Variants in CRIM1 observed in about 807,000 individuals in gnomAD.
The protein encoded by CRIM1 is cysteine-rich motor neuron 1 protein.
A neutral mutation model predicts 116.4 loss-of-function variants in CRIM1; 32 were observed. The observed-to-expected ratio is 0.27, with a 90% CI of 0.21 to 0.37. The LOEUF (loss-of-function observed/expected upper bound fraction) is 0.37, where lower values mean the gene tolerates loss of function less well. Ranked by LOEUF, CRIM1 falls within the 10% of genes least tolerant of loss-of-function variation. CRIM1 has a pLI of 1.00. For missense variants in CRIM1, 1,331 were observed against 1,354.8 expected (o/e 0.98, Z 0.28); for synonymous variants, 590 against 509.2 (o/e 1.16, Z -2.13).
chr2:36,472,748 T>A (rs766832347), intron 5 of CRIM1, among the ~76,000 whole-genome samples: 3 of 152,202 alleles, frequency 2.0e-5, no homozygotes, highest in African/African-American at 7.2e-5. Context: ...TTCATTTTGT[T>A]AGAGTACAGT....
chr2:36,547,231 T>C (rs918282897), intron 16 of CRIM1, 60 bp downstream of exon 16: 17 of 1,335,350 alleles, frequency 1.3e-5, no homozygotes, highest in Admixed American at 9.5e-5. Context: ...TACACTCATA[T>C]TGAAATTGCT....
rs760248337 is a variant in CRIM1, at chr2:36,499,263, T to C, written c.1417T>C (p.Ser473Pro). 22 of 1,613,432 alleles carry C rather than the reference T, an allele frequency of 1.4e-5. No homozygotes were observed. The highest frequency in any genetic ancestry group is 1.7e-5 in the Non-Finnish European group (20 of 1,179,488). ...TVDPPACGEL[S>P]NCTLTGKDCI... ...TGATCCACCTGCATGTGGGGAGTTATCAAACTGCACTCTGACAGGGAAGGA... is the reference window on the plus strand; with the variant it reads ...TGATCCACCTGCATGTGGGGAGTTACCAAACTGCACTCTGACAGGGAAGGA... Residue 473 changes from serine (S) to proline (P), a missense_variant, in exon 8 of 17, where the codon TCA (serine) becomes CCA (proline). By Grantham distance (74) the Ser-to-Pro change is moderately conservative (BLOSUM62 -1). Around this residue, in one of 3 missense-constraint regions of CRIM1, gnomAD observed 690 missense variants for 676.0 expected, o/e 1.02. Coordinates refer to ENST00000280527, the MANE Select transcript of CRIM1 (RefSeq NM_016441.3).
chr2:36,524,748 A>G (rs1665640229), intron 13 of CRIM1, among the ~76,000 whole-genome samples: 3 of 152,262 alleles, frequency 2.0e-5, no homozygotes, highest in African/African-American at 7.2e-5. Flanking sequence ...CACAAAACCA[A>G]TTTAACAAAT....
chr2:36,376,373 G>A (rs988159770), intron 1 of CRIM1, among the ~76,000 whole-genome samples: 6 of 152,236 alleles, frequency 3.9e-5, no homozygotes, highest in African/African-American at 7.2e-5. Flanking sequence ...GTAAGCTGCA[G>A]GTTGAGGAGA....
intron 9 of CRIM1, 29 bp downstream of exon 9, chr2:36,510,168 T>C: frequency 4.4e-6 from 7 of 1,598,586 alleles, no homozygotes; most frequent in Non-Finnish European, 6.0e-6. Context: ...AGAAAAGCTA[T>C]TATGAAGTGC....
At chr2:36,363,155 G>T (rs999426064) in intron 1 of CRIM1, among the ~76,000 whole-genome samples, 2 of 146,144 alleles carry the variant, frequency 1.4e-5, no homozygotes, top group African/African-American at 5.1e-5. Flanking sequence ...AGCTGAAATC[G>T]CACCACTGCA....
Position 36,550,551 on chromosome 2 carries a change from AATTT to A in CRIM1, c.*1854_*1857del, listed in dbSNP as rs1351620023. 2 of 152,480 alleles carry A rather than the reference AATTT, an allele frequency of 1.3e-5. No homozygotes were observed. Among genetic ancestry groups the A allele is most frequent in the East Asian group, 1.9e-4 (1 of 5,196 alleles). The allele number at this position is 152,480 out of a possible 1,614,324, so 9.4% of individuals were successfully genotyped here. On this transcript the variant is annotated 3_prime_UTR_variant, in exon 17 of 17. Coordinates refer to ENST00000280527, the MANE Select transcript of CRIM1 (RefSeq NM_016441.3). ...AGGTTGCTGAACTTTAAAAAAAATT[AATTT>A]ATTATTATAATGACCTAATTTATTA...
At chr2:36,466,558 T>C (rs1181340254) in intron 5 of CRIM1, among the ~76,000 whole-genome samples, 17 of 152,224 alleles carry the variant, frequency 1.1e-4, no homozygotes, top group Admixed American at 1.1e-3. Flanking sequence ...CATCCAGTGC[T>C]CATCACTTGG....
chr2:36,395,795 A>G (rs1242204510), intron 1 of CRIM1, among the ~76,000 whole-genome samples: 1 of 152,152 alleles, frequency 6.6e-6, no homozygotes, highest in Non-Finnish European at 1.5e-5. Flanking sequence ...CAGTCTCCCC[A>G]AACGCATTAG....
At chr2:36,543,278 G>A (rs1265922485) in intron 14 of CRIM1, among the ~76,000 whole-genome samples, 3 of 152,114 alleles carry the variant, frequency 2.0e-5, no homozygotes, top group African/African-American at 7.2e-5. Context: ...CATGGGGGAA[G>A]CTTAGCAAGT....
rs1435290957 is a variant in CRIM1 at position 36,549,708 on chromosome 2, G to A, written c.*1007G>A. On this transcript the variant is annotated 3_prime_UTR_variant, in exon 17 of 17. Transcript: ENST00000280527. ...AAATAGAAACTACTTCATTTTAATT[G>A]TATATTATTCAAGCACCTTTGTTGA... is the stretch of plus-strand genomic sequence containing the variant. 1 of 152,176 alleles carries A rather than the reference G, an allele frequency of 6.6e-6. No homozygotes were observed. Among genetic ancestry groups the A allele is most frequent in the African/African-American group, 2.4e-5 (1 of 41,416 alleles). The allele number at this position is 152,176 out of a possible 1,614,324, so 9.4% of individuals were successfully genotyped here.
Position 36,356,196 on chromosome 2 carries a change from TG to T in CRIM1, c.-95del. The T allele has an allele frequency of 2.2e-6, 1 of 459,340 alleles. No homozygotes were observed. The highest frequency in any genetic ancestry group is 3.2e-6 in the Non-Finnish European group (1 of 314,742). 28.5% of individuals were successfully genotyped at this position (459,340 alleles called of 1,614,324 possible). ...AGGGGCGGTGAGGACCGCGGGCTGCTGGTGCGGCGGCGGCGGCGCGTGTGCC... is the reference window on the plus strand; with the variant it reads ...AGGGGCGGTGAGGACCGCGGGCTGCTGTGCGGCGGCGGCGGCGCGTGTGCC... On this transcript the variant is annotated 5_prime_UTR_variant, in exon 1 of 17. Coordinates refer to ENST00000280527, the MANE Select transcript of CRIM1 (RefSeq NM_016441.3). This position sits in a 1 kb window ranked among gnomAD's most constrained non-coding sequence, Gnocchi z 4.3.
intron 1 of CRIM1, among the ~76,000 whole-genome samples, chr2:36,394,213 A>C (rs144035991): frequency 6.6e-6 from 1 of 152,322 alleles, no homozygotes; most frequent in East Asian, 1.9e-4. Context: ...GGAAAGGAGG[A>C]CAAATATACA....
intron 2 of CRIM1, among the ~76,000 whole-genome samples, chr2:36,406,268 A>T (rs2148403447): frequency 6.6e-6 from 1 of 152,260 alleles, no homozygotes; most frequent in Non-Finnish European, 1.5e-5. Context: ...GTTCCATTGG[A>T]GGGAGGATGG....
At position 36,464,551 on chromosome 2, in the gene CRIM1, G is replaced by C. The variant is rs1476784599; in HGVS notation, c.887G>C (p.Gly296Ala). The C allele has an allele frequency of 6.2e-7, 1 of 1,614,098 alleles. No homozygotes were observed. Among genetic ancestry groups the C allele is most frequent in the South Asian group, 1.1e-5 (1 of 91,082 alleles). The change falls in exon 5 of 17, where the codon GGC (glycine) becomes GCC (alanine). Residue 296 changes from glycine (G) to alanine (A), a missense_variant. By Grantham distance (60) the Gly-to-Ala change is moderately conservative (BLOSUM62 0). This residue lies in a region of CRIM1 where 690 missense variants were observed against 676.0 expected (regional missense o/e 1.02). Transcript: ENST00000280527. ...GGTTTCAGATGCGAGTGTCTCTCTG[G>C]CTTATGTGGTTTCCCCGTGTGTGAG... is the stretch of plus-strand genomic sequence containing the variant. ...TLPTRCECLS[G>A]LCGFPVCEVG...
intron 15 of CRIM1, among the ~76,000 whole-genome samples, chr2:36,544,831 A>T (rs1184588062): frequency 6.6e-6 from 1 of 152,168 alleles, no homozygotes; most frequent in African/African-American, 2.4e-5. Context: ...TGTATATATA[A>T]ACTTTGTAAG....
intron 4 of CRIM1, among the ~76,000 whole-genome samples, chr2:36,446,042 A>G (rs1476666574): frequency 1.3e-5 from 2 of 152,178 alleles, no homozygotes; most frequent in Non-Finnish European, 2.9e-5. Context: ...GGAGAAAGCT[A>G]TTTACATTTT....
intron 1 of CRIM1, among the ~76,000 whole-genome samples, chr2:36,380,444 T>G (rs1252641406): frequency 6.6e-6 from 1 of 152,072 alleles, no homozygotes; most frequent in Non-Finnish European, 1.5e-5. Context: ...AGGGTGACCT[T>G]GATAGGATGC....
At chr2:36,542,932 T>G (rs762264755) in intron 14 of CRIM1, among the ~76,000 whole-genome samples, 1 of 152,190 alleles carries the variant, frequency 6.6e-6, no homozygotes, top group Non-Finnish European at 1.5e-5. Context: ...AATTCTGATA[T>G]GATTTTTAAA....
Sources: allele counts gnomAD v4.1 joint callset (sites outside exome capture counted in the v4.1 genomes callset), GRCh38; gene constraint gnomAD v4.1.1; regional missense constraint gnomAD v4.1.1; non-coding constraint Gnocchi (gnomAD v3.1); transcripts MANE v1.5; gene names NCBI Gene and HGNC (gene_info 2026-07-23, HGNC 2026-07-21).